Variants in ANK2 observed in about 807,000 individuals in gnomAD.
ANK2 encodes the protein ankyrin-2.
A neutral mutation model predicts 360.5 loss-of-function variants in ANK2; 83 were observed. The observed-to-expected ratio is 0.23, with a 90% confidence interval of 0.19 to 0.28. The LOEUF is 0.28. Among genes scored for constraint, ANK2 ranks in the 10% least tolerant of loss-of-function variants. The pLI, the probability that ANK2 is intolerant of heterozygous loss-of-function variation, is 1.00. For missense variants in ANK2, 4,201 were observed against 4,795.7 expected (o/e 0.88, Z 3.66); for synonymous variants, 1,740 against 1,759.5 (o/e 0.99, Z 0.28).
At chr4:113,192,207 A>G (rs2098677157) in intron 2 of ANK2, among the ~76,000 whole-genome samples, 1 of 152,172 alleles carries the variant, frequency 6.6e-6, no homozygotes, top group Admixed American at 6.5e-5. Flanking sequence ...CTAAATGTCC[A>G]TTATCCTCCC....
At chr4:113,196,577 T>C in intron 3 of ANK2, 111 bp downstream of exon 3, 1 of 975,006 alleles carries the variant, frequency 1.0e-6, no homozygotes. Flanking sequence ...GCCCAGGAAG[T>C]AGTGCAGTGG....
At chr4:113,019,772 T>C (rs1190910612) in intron 2 of ANK2, among the ~76,000 whole-genome samples, 1 of 152,130 alleles carries the variant, frequency 6.6e-6, no homozygotes, top group Non-Finnish European at 1.5e-5. Context: ...ATCACTCATT[T>C]AAAATCTGAA....
chr4:113,350,401 G>A (rs1465707254), intron 37 of ANK2, 152 bp downstream of exon 37: 1 of 636,798 alleles, frequency 1.6e-6, no homozygotes, highest in Non-Finnish European at 2.5e-6. Context: ...TATAAAAGCA[G>A]CTTGGCCAGT....
chr4:112,783,188 C>T, the ANK2 span, among the ~76,000 whole-genome samples: 13 of 152,184 alleles, frequency 8.5e-5, no homozygotes, highest in South Asian at 2.1e-4. Flanking sequence ...GGATTATAGG[C>T]GTGAGCCACC....
intron 1 of ANK2, among the ~76,000 whole-genome samples, chr4:113,147,388 C>A (rs757610083): frequency 1.2e-4 from 19 of 152,180 alleles, no homozygotes; most frequent in African/African-American, 4.1e-4. Context: ...ATCATTACTA[C>A]TAGTTCAGGA....
At chr4:113,015,953 T>C (rs1561545651) in intron 2 of ANK2, among the ~76,000 whole-genome samples, 1 of 152,152 alleles carries the variant, frequency 6.6e-6, no homozygotes, top group African/African-American at 2.4e-5. Flanking sequence ...ATACACAAAC[T>C]TTTTCAGAAA....
chr4:112,814,441 G>T (rs757237036), upstream of ANK2, among the ~76,000 whole-genome samples: 7 of 115,074 alleles, frequency 6.1e-5, no homozygotes, highest in African/African-American at 1.6e-4. Flanking sequence ...TTGTTTTTTT[G>T]TTTGTTTGTT....
intron 1 of ANK2, among the ~76,000 whole-genome samples, chr4:113,069,260 C>A (rs180937101): frequency 6.6e-6 from 1 of 152,110 alleles, no homozygotes; most frequent in Admixed American, 6.5e-5. Context: ...ACATTTATGC[C>A]CTAATTAGTG....
At chr4:113,080,533 A>G (rs1011583376) in intron 1 of ANK2, among the ~76,000 whole-genome samples, 1 of 152,198 alleles carries the variant, frequency 6.6e-6, no homozygotes, top group African/African-American at 2.4e-5. Context: ...ATTGATGGGA[A>G]AATAGTTTAG....
chr4:112,945,983 G>A (rs1419620906), intron 2 of ANK2, among the ~76,000 whole-genome samples: 1 of 152,198 alleles, frequency 6.6e-6, no homozygotes, highest in East Asian at 1.9e-4. Context: ...GAGAGAGTTA[G>A]TGTAGCTGAG....
chr4:113,168,655 A>G lies in ANK2; in HGVS notation c.85-5761A>G, dbSNP rs558899331. Among the ~76,000 whole-genome samples the G allele has an allele frequency of 2.0e-4, 31 of 152,344 alleles. 1 individual carries two copies. In the South Asian group the frequency reaches 6.2e-3, roughly 31 times the overall value. On this transcript the variant is annotated intron_variant, in intron 1 of 45. Transcript: ENST00000357077. ...TAGAAATTGTCAAGTGGGATTTTGC[A>G]GTGTAAAGTGTTTTATATCACTTAT...
intron 2 of ANK2, among the ~76,000 whole-genome samples, chr4:112,989,370 C>T (rs550025795): frequency 8.5e-5 from 13 of 152,190 alleles, no homozygotes; most frequent in Admixed American, 3.3e-4. Context: ...CACAAACATA[C>T]GATAAAACAT....
intron 15 of ANK2, among the ~76,000 whole-genome samples, chr4:113,276,491 G>A (rs1303948386): frequency 1.3e-5 from 2 of 152,086 alleles, no homozygotes; most frequent in African/African-American, 2.4e-5. Flanking sequence ...TAAAGATAAG[G>A]AGTTTATGTT....
At chr4:112,947,150 C>G (rs1002220616) in intron 2 of ANK2, among the ~76,000 whole-genome samples, 2 of 152,180 alleles carry the variant, frequency 1.3e-5, no homozygotes, top group Non-Finnish European at 2.9e-5. Context: ...CATAACTAAA[C>G]AGTTATTTAA....
intron 22 of ANK2, among the ~76,000 whole-genome samples, chr4:113,299,853 T>TAA (rs1371455966): frequency 6.6e-6 from 1 of 152,102 alleles, no homozygotes; most frequent in Admixed American, 6.6e-5. Context: ...TAAACCCACC[T>TAA]AAGGAACCTT....
chr4:113,278,008 T>G, intron 16 of ANK2, 73 bp downstream of exon 16: 1 of 1,392,324 alleles, frequency 7.2e-7, no homozygotes, highest in Non-Finnish European at 1.0e-6. Context: ...AAGACATTTT[T>G]CTCACTTCTC....
At chr4:113,236,876 T>G in intron 5 of ANK2, 111 bp from the exon 6 acceptor site, 1 of 1,097,962 alleles carries the variant, frequency 9.1e-7, no homozygotes, top group Non-Finnish European at 1.4e-6. Context: ...TAATATTTTA[T>G]TCTTTTGGTT....
At chr4:112,743,368 A>C in the ANK2 span, among the ~76,000 whole-genome samples, 15,183 of 152,144 alleles carry the variant, frequency 0.1, 942 homozygotes, top group Middle Eastern at 0.15. Flanking sequence ...AGACCATTAT[A>C]AAAGACTATG....
chr4:112,830,194 G>A (rs1408758079), intron 1 of ANK2, among the ~76,000 whole-genome samples: 1 of 152,120 alleles, frequency 6.6e-6, no homozygotes, highest in African/African-American at 2.4e-5. Context: ...AAAGTCATAT[G>A]CACACATATG....
Sources: gnomAD v4.1 joint callset for allele counts (sites outside exome capture counted in the v4.1 genomes callset) on GRCh38, gnomAD v4.1.1 for gene constraint, MANE v1.5 for transcripts, NCBI Gene and HGNC (gene_info 2026-07-23, HGNC 2026-07-21) for gene names.